DCHS2: variants seen among roughly 807,000 people sequenced by gnomAD.
DCHS2 encodes protocadherin-23.
In DCHS2, 142 loss-of-function variants were observed where a neutral mutation model predicts 182.4. The observed-to-expected ratio is 0.78, with a 90% CI of 0.68 to 0.89. The LOEUF is 0.89. Among genes scored for constraint, DCHS2 ranks in the 40% least tolerant of loss-of-function variants. DCHS2 has a pLI of 0.00. For missense variants in DCHS2, 4,319 were observed against 4,198.6 expected (o/e 1.03, Z -0.79); for synonymous variants, 1,740 against 1,663.3 (o/e 1.05, Z -1.12).
At chr4:154,464,964 T>C (rs1579108287) in intron 1 of DCHS2, among the ~76,000 whole-genome samples, 1 of 152,350 alleles carries the variant, frequency 6.6e-6, no homozygotes, top group Non-Finnish European at 1.5e-5. Flanking sequence ...CCAGGTTTCC[T>C]AAAGTGTTAG....
intron 1 of DCHS2, among the ~76,000 whole-genome samples, chr4:154,378,601 A>T (rs907219791): frequency 6.7e-6 from 1 of 150,204 alleles, no homozygotes; most frequent in Non-Finnish European, 1.5e-5. Context: ...ACGTACTCTT[A>T]TAAGAGCTTA....
chr4:154,235,841 C>G lies in DCHS2; in HGVS notation c.8811G>C (p.Leu2937Phe). 1 of 1,613,950 alleles carries G rather than the reference C, an allele frequency of 6.2e-7. No individual in the cohort carries two copies. Among genetic ancestry groups the G allele is most frequent in the Non-Finnish European group, 8.5e-7 (1 of 1,179,934 alleles). ...TTTTTATTAGGGGAAGGGCTCTAAT[C>G]AAATAAATATTTCCATTGGTTTTAT... ...SVNKTNGNIY[L>F]IRALPLIKSQ... The change falls in exon 20 of 20, where the codon TTG (leucine) becomes TTC (phenylalanine). Residue 2937 changes from leucine to phenylalanine, a missense_variant. Coordinates refer to ENST00000357232, the MANE Select transcript of DCHS2 (RefSeq NM_001358235.2).
chr4:154,454,039 G>T (rs747157906), intron 1 of DCHS2, among the ~76,000 whole-genome samples: 3 of 151,972 alleles, frequency 2.0e-5, no homozygotes. Context: ...TGATGAAAAT[G>T]AAATATTAAA....
chr4:154,268,906 G>A (rs1168730566), intron 14 of DCHS2, among the ~76,000 whole-genome samples: 3 of 152,102 alleles, frequency 2.0e-5, no homozygotes, highest in South Asian at 2.1e-4. Flanking sequence ...GTGCGGTGGC[G>A]GAGGGTCTGG....
intron 7 of DCHS2, among the ~76,000 whole-genome samples, chr4:154,323,855 C>T (rs1278636142): frequency 3.4e-5 from 5 of 146,622 alleles, no homozygotes; most frequent in African/African-American, 7.3e-5. Context: ...AATATCCCTC[C>T]CCCCAAAAAA....
chr4:154,465,320 C>T (rs1017850472), intron 1 of DCHS2, among the ~76,000 whole-genome samples: 4 of 152,102 alleles, frequency 2.6e-5, no homozygotes, highest in African/African-American at 9.7e-5. Context: ...ATGTGCTTCT[C>T]CCAGAGGGAT....
rs1241842966 is a variant in DCHS2 at position 154,236,108 on chromosome 4, G to A, written c.8544C>T (p.Tyr2848=). ...QILDYENGNK[Y]CLTVQAKDKG... ...TGTCTTTGGCTTGGACTGTGAGGCAGTATTTATTGCCATTTTCATAGTCAA... is the reference window on the plus strand; with the variant it reads ...TGTCTTTGGCTTGGACTGTGAGGCAATATTTATTGCCATTTTCATAGTCAA... The change falls in exon 20 of 20, where the codon TAC becomes TAT. Residue 2848 remains tyrosine (Y), a synonymous_variant. Transcript: ENST00000357232. 6.2e-7 allele frequency: 1 copy of A among 1,613,732 alleles called. No homozygotes were observed. The highest frequency in any genetic ancestry group is 8.5e-7 in the Non-Finnish European group (1 of 1,179,946).
rs1728773371 is a variant in DCHS2, at chr4:154,490,425, GC to G, written c.930del (p.Gln310HisfsTer52). 6.5e-7 allele frequency: 1 copy of G among 1,533,836 alleles called. No individual in the cohort carries two copies. The highest frequency in any genetic ancestry group is 8.7e-7 in the Non-Finnish European group (1 of 1,145,146). The part of the protein sequence containing the change: ...EYRAAVREDA[Q>X]PGAEVCRVRA... ...CGCACGCGACAGACCTCGGCGCCCGGCTGGGCGTCCTCGCGCACCGCGGCGC... is the reference window on the plus strand; with the variant it reads ...CGCACGCGACAGACCTCGGCGCCCGGTGGGCGTCCTCGCGCACCGCGGCGC... On this transcript the variant is annotated frameshift_variant, in exon 1 of 20. Transcript: ENST00000357232. LOFTEE classifies it high-confidence loss of function.
intron 1 of DCHS2, among the ~76,000 whole-genome samples, chr4:154,418,243 T>C (rs1732955795): frequency 6.6e-6 from 1 of 152,190 alleles, no homozygotes; most frequent in African/African-American, 2.4e-5. Context: ...ATTACATATG[T>C]AGAACCCGAG....
chr4:154,239,196 T>G lies in DCHS2; in HGVS notation c.7466A>C (p.Lys2489Thr), dbSNP rs563542811. 1 of 1,613,226 alleles carries G rather than the reference T, an allele frequency of 6.2e-7. No homozygotes were observed. The highest frequency in any genetic ancestry group is 1.7e-5 in the Admixed American group (1 of 59,922). ...ATTCTTAGGATCAATGGAGAATTCC[T>G]TAGAAGAGGATAGAATTCTGTAAGA... ...NISYRILSSS[K>T]EFSIDPKNGT... Residue 2489 changes from lysine (K) to threonine (T), a missense_variant, in exon 19 of 20, where the codon AAG becomes ACG. Transcript: ENST00000357232.
At chr4:154,255,315 A>G (rs987470989) in intron 16 of DCHS2, among the ~76,000 whole-genome samples, 3 of 152,328 alleles carry the variant, frequency 2.0e-5, no homozygotes, top group Non-Finnish European at 4.4e-5. Context: ...TGCTATTTTA[A>G]TCACTTTTTT....
chr4:154,479,933 A>C (rs1735855159), intron 1 of DCHS2, among the ~76,000 whole-genome samples: 1 of 152,204 alleles, frequency 6.6e-6, no homozygotes, highest in Non-Finnish European at 1.5e-5. Flanking sequence ...AGTCCAGGAA[A>C]TATATCTGAC....
chr4:154,250,758 C>T lies in DCHS2; in HGVS notation c.6941+4761G>A, dbSNP rs369784698. 6.6e-5 allele frequency among the ~76,000 whole-genome samples: 10 copies of T among 152,302 alleles called. No homozygotes were observed. The East Asian group carries it at 7.7e-4, about 12-fold the overall frequency. Reference sequence around the variant, plus strand: ...CTGCAGTCTAGCTCAGCTTGTTGGCCTAAGCTAGTTCTCTCTCTTGCAGTG... The same window carrying T: ...CTGCAGTCTAGCTCAGCTTGTTGGCTTAAGCTAGTTCTCTCTCTTGCAGTG... On this transcript the variant is annotated intron_variant, in intron 16 of 19. Coordinates refer to ENST00000357232, the MANE Select transcript of DCHS2 (RefSeq NM_001358235.2).
chr4:154,314,094 T>C (rs998001984), intron 10 of DCHS2, among the ~76,000 whole-genome samples: 1 of 152,158 alleles, frequency 6.6e-6, no homozygotes, highest in Non-Finnish European at 1.5e-5. Context: ...GCCTTTTTAG[T>C]AGAATCCATT....
intron 17 of DCHS2, 150 bp downstream of exon 17, chr4:154,242,492 T>C: frequency 8.4e-7 from 1 of 1,187,832 alleles, no homozygotes; most frequent in Non-Finnish European, 1.1e-6. Flanking sequence ...ATCATCCATT[T>C]TTTTGTTCTG....
chr4:154,317,586 A>G (rs1735908311), intron 9 of DCHS2, among the ~76,000 whole-genome samples: 1 of 152,234 alleles, frequency 6.6e-6, no homozygotes, highest in Admixed American at 6.5e-5. Flanking sequence ...CAAATGGTGT[A>G]TATCTGAGAT....
chr4:154,488,628 C>A (rs368476573), intron 1 of DCHS2, among the ~76,000 whole-genome samples: 2 of 152,118 alleles, frequency 1.3e-5, no homozygotes, highest in African/African-American at 4.8e-5. Flanking sequence ...CATTGCTGGG[C>A]GTGGTGGCTC....
At position 154,308,253 on chromosome 4, in the gene DCHS2, T is replaced by TA. The variant is rs761910625; in HGVS notation, c.5261-3023dup. Reference sequence around the variant, plus strand: ...TGGCATCATATATGGCTGACCAATTTAAAAAAAAAAAACAAAAAACAAAGA... The same window carrying TA: ...TGGCATCATATATGGCTGACCAATTTAAAAAAAAAAAAACAAAAAACAAAGA... On this transcript the variant is annotated intron_variant, in intron 10 of 19. Coordinates refer to ENST00000357232, the MANE Select transcript of DCHS2 (RefSeq NM_001358235.2). Among the ~76,000 whole-genome samples, 1,066 of 134,626 alleles carry TA rather than the reference T, an allele frequency of 7.9e-3. 9 individuals carry two copies. Among genetic ancestry groups the TA allele is most frequent in the South Asian group, 0.011 (46 of 4,276 alleles). The allele number at this position is 134,626 out of a possible 152,430, so 88.3% of individuals were successfully genotyped here.
chr4:154,304,652 C>G lies in DCHS2; in HGVS notation c.5605+17G>C, dbSNP rs1179606552. On this transcript the variant is annotated intron_variant, in intron 12 of 19. Coordinates refer to ENST00000357232, the MANE Select transcript of DCHS2 (RefSeq NM_001358235.2). ...TTAAAAAAACAAACAAACAAACAAACAAACAAACAAACTTACCAATTATGT... is the reference window on the plus strand; with the variant it reads ...TTAAAAAAACAAACAAACAAACAAAGAAACAAACAAACTTACCAATTATGT... 6.3e-7 allele frequency: 1 copy of G among 1,589,528 alleles called. No homozygotes were observed. Among genetic ancestry groups the G allele is most frequent in the Non-Finnish European group, 8.6e-7 (1 of 1,167,772 alleles).
Sources: allele counts gnomAD v4.1 joint callset (sites outside exome capture counted in the v4.1 genomes callset), GRCh38; gene constraint gnomAD v4.1.1; transcripts MANE v1.5; gene names NCBI Gene and HGNC (gene_info 2026-07-23, HGNC 2026-07-21).